XIAP: variants seen among roughly 807,000 people sequenced by gnomAD.
XIAP encodes E3 ubiquitin-protein ligase XIAP.
A neutral mutation model predicts 33.1 loss-of-function variants in XIAP; 3 were observed. That is an observed-to-expected ratio of 0.09 (90% confidence interval 0.04 to 0.23). The LOEUF is 0.23. Among genes scored for constraint, XIAP ranks in the 10% least tolerant of loss-of-function variants. The pLI is 1.00. For missense variants in XIAP, 264 were observed against 363.0 expected (o/e 0.73, Z 2.22); for synonymous variants, 98 against 121.3 (o/e 0.81, Z 1.26).
At chrX:123,903,557 G>C (rs192465173) in intron 6 of XIAP, among the ~76,000 whole-genome samples, 2 of 107,998 alleles carry the variant, frequency 1.9e-5, no homozygotes, top group African/African-American at 6.8e-5. Flanking sequence ...GGATCACGCC[G>C]ATAGTTGGGA....
chrX:123,892,158 G>C (rs2053414264), intron 4 of XIAP, among the ~76,000 whole-genome samples: 1 of 111,273 alleles, frequency 9.0e-6, no homozygotes, highest in African/African-American at 3.3e-5. Flanking sequence ...CCAAGGTCAG[G>C]AGTTCGAGAC....
chrX:123,867,076 G>GTTTT (rs139190557), intron 1 of XIAP, among the ~76,000 whole-genome samples: 1 of 59,711 alleles, frequency 1.7e-5, no homozygotes, highest in African/African-American at 7.2e-5. Context: ...TAACATTTCT[G>GTTTT]TTTTTTTTTT....
chrX:123,904,600 A>AGTTTT (rs755119053), intron 6 of XIAP, among the ~76,000 whole-genome samples: 3 of 104,006 alleles, frequency 2.9e-5, no homozygotes, highest in Non-Finnish European at 6.0e-5. Context: ...GTGCTGGTAG[A>AGTTTT]GTTTTGTTTT....
intron 3 of XIAP, among the ~76,000 whole-genome samples, chrX:123,888,946 T>A (rs778130424): frequency 9.6e-4 from 107 of 111,223 alleles, no homozygotes; most frequent in Middle Eastern, 4.6e-3. Flanking sequence ...TGAGACGAAG[T>A]CTCACTCTCT....
intron 1 of XIAP, among the ~76,000 whole-genome samples, chrX:123,872,255 G>A: frequency 9.0e-6 from 1 of 110,747 alleles, no homozygotes; most frequent in East Asian, 2.8e-4. Flanking sequence ...ACAAGGCAGT[G>A]GATGAACAGT....
chrX:123,904,616 ATTTTG>A (rs112899247), intron 6 of XIAP, among the ~76,000 whole-genome samples: 2 of 109,169 alleles, frequency 1.8e-5, no homozygotes, highest in African/African-American at 6.6e-5. Context: ...GTTTTGTTTT[ATTTTG>A]TTTTGTTTTG....
rs371671137 is a variant in XIAP, at chrX:123,888,615, G to A, written c.878-4G>A. The A allele has an allele frequency of 1.3e-5, 16 of 1,205,356 alleles. No individual in the cohort carries two copies. In the East Asian group the frequency reaches 2.7e-4, roughly 20 times the overall value. On this transcript the variant is annotated splice_polypyrimidine_tract_variant and splice_region_variant and intron_variant, in intron 2 of 6. Transcript: ENST00000371199. Reference sequence around the variant, plus strand: ...AATACATATATTCCTGTGTGTTTTCGTAGGTGAAGGTGATAAAGTAAAGTG... The same window carrying A: ...AATACATATATTCCTGTGTGTTTTCATAGGTGAAGGTGATAAAGTAAAGTG...
intron 6 of XIAP, among the ~76,000 whole-genome samples, chrX:123,903,813 C>T (rs1441552677): frequency 1.8e-5 from 2 of 108,260 alleles, no homozygotes; most frequent in Admixed American, 1.0e-4. Context: ...AACAGCCAGG[C>T]GTGGTGGCAC....
intron 1 of XIAP, among the ~76,000 whole-genome samples, chrX:123,877,267 A>G (rs756987959): frequency 3.6e-5 from 4 of 111,225 alleles, no homozygotes; most frequent in Non-Finnish European, 7.5e-5. Flanking sequence ...GGTTTTCGCC[A>G]TGTTGGCCAG....
At chrX:123,870,482 C>T (rs751658775) in intron 1 of XIAP, among the ~76,000 whole-genome samples, 4 of 111,890 alleles carry the variant, frequency 3.6e-5, no homozygotes, top group African/African-American at 1.3e-4. Flanking sequence ...AGAAGAGAAA[C>T]GTACTAAATG....
chrX:123,867,048 C>T (rs1310245965), intron 1 of XIAP, among the ~76,000 whole-genome samples: 4 of 76,129 alleles, frequency 5.3e-5, no homozygotes, highest in Non-Finnish European at 1.0e-4. Context: ...CCCCCCCCCC[C>T]CTTCAACATT....
chrX:123,886,620 CT>C (rs2053354433), intron 2 of XIAP, 81 bp downstream of exon 2: 1 of 1,031,602 alleles, frequency 9.7e-7, no homozygotes, highest in East Asian at 3.1e-5. Context: ...CCTTAGCCCC[CT>C]GAACTGGTAA....
intron 1 of XIAP, among the ~76,000 whole-genome samples, chrX:123,867,049 C>CCA (rs35471589): frequency 0.035 from 1,900 of 55,062 alleles, 294 homozygotes; most frequent in African/African-American, 0.12. Context: ...CCCCCCCCCC[C>CCA]TTCAACATTC....
At chrX:123,880,439 T>TAA (rs35181194) in intron 1 of XIAP, among the ~76,000 whole-genome samples, 2 of 81,009 alleles carry the variant, frequency 2.5e-5, no homozygotes, top group African/African-American at 8.9e-5. Flanking sequence ...AAAACCCTAA[T>TAA]AAAAAAAAAA....
intron 3 of XIAP, among the ~76,000 whole-genome samples, chrX:123,890,749 C>G (rs1273143012): frequency 9.1e-6 from 1 of 109,667 alleles, no homozygotes; most frequent in East Asian, 2.9e-4. Context: ...TGAGACCAGC[C>G]TGACCAACAT....
intron 1 of XIAP, among the ~76,000 whole-genome samples, chrX:123,866,783 A>G (rs908530892): frequency 4.8e-5 from 5 of 104,733 alleles, no homozygotes; most frequent in Non-Finnish European, 9.7e-5. Flanking sequence ...GGTTCAAGCG[A>G]TTCTTCTGCC....
chrX:123,891,823 TAAAAAAAAAAAAA>T (rs11325824), intron 4 of XIAP, among the ~76,000 whole-genome samples: 1 of 76,472 alleles, frequency 1.3e-5, no homozygotes, highest in South Asian at 7.9e-4. Context: ...CCCTATCTCT[TAAAAAAAAAAAAA>T]AAAAAAAAGA....
rs1394858634 is a variant in XIAP at position 123,894,838 on chromosome X, G to A, written c.1099+2065G>A. On this transcript the variant is annotated intron_variant, in intron 5 of 6. Transcript: ENST00000371199. ...ACACACCTATAGTTCCAGCTACTTG[G>A]GAGGCTGAGGCATAAAAATTTCTTG... is the stretch of plus-strand genomic sequence containing the variant. Among the ~76,000 whole-genome samples, 9 of 110,120 alleles carry A rather than the reference G, an allele frequency of 8.2e-5. No homozygotes were observed. The Admixed American group carries it at 8.9e-4, about 11-fold the overall frequency.
intron 1 of XIAP, among the ~76,000 whole-genome samples, chrX:123,872,218 C>T (rs988525934): frequency 9.0e-6 from 1 of 111,034 alleles, no homozygotes; most frequent in Non-Finnish European, 1.9e-5. Context: ...TTCTTCTTAC[C>T]AGGCCCCAAA....
Sources: allele counts gnomAD v4.1 joint callset (sites outside exome capture counted in the v4.1 genomes callset), GRCh38; gene constraint gnomAD v4.1.1; transcripts MANE v1.5; gene names NCBI Gene and HGNC (gene_info 2026-07-23, HGNC 2026-07-21).